PDZRN3: variants seen among roughly 807,000 people sequenced by gnomAD.
The protein encoded by PDZRN3 is E3 ubiquitin-protein ligase PDZRN3.
Under a neutral mutation model 85.7 loss-of-function variants are expected in PDZRN3, and 38 were observed. That is an observed-to-expected ratio of 0.44 (90% CI 0.34 to 0.58). The LOEUF (loss-of-function observed/expected upper bound fraction) is 0.58. Ranked by LOEUF, PDZRN3 falls within the 20% of genes least tolerant of loss-of-function variation. The probability of loss-of-function intolerance (pLI) is 0.01; values close to 1 mark genes in which losing one functional copy is unlikely to be tolerated. For missense variants in PDZRN3, 1,629 were observed against 1,506.4 expected, an observed-to-expected ratio of 1.08 and a Z score of -1.35; for synonymous variants, 759 against 638.0, an observed-to-expected ratio of 1.19 and a Z score of -2.86.
At position 73,417,791 on chromosome 3, in the gene PDZRN3, C is replaced by T. The variant is rs1405823400; in HGVS notation, c.919-13396G>A. 6.6e-5 allele frequency among the ~76,000 whole-genome samples: 10 copies of T among 151,728 alleles called. No homozygotes were observed. In the East Asian group the frequency reaches 1.9e-3, roughly 29 times the overall value. On this transcript the variant is annotated intron_variant, in intron 3 of 9. Coordinates refer to ENST00000263666, the MANE Select transcript of PDZRN3 (RefSeq NM_015009.3). ...TGAGACCCTTCCATGCAACCAGAGA[C>T]AACTTTTATCAGTAGAATGTATAAA...
At chr3:73,473,747 G>T (rs1703394884) in intron 3 of PDZRN3, among the ~76,000 whole-genome samples, 1 of 152,156 alleles carries the variant, frequency 6.6e-6, no homozygotes, top group Non-Finnish European at 1.5e-5. Context: ...ACGTGGTGAG[G>T]AACTGAGGCC....
intron 8 of PDZRN3, among the ~76,000 whole-genome samples, chr3:73,386,078 C>A (rs1701376516): frequency 1.3e-5 from 2 of 151,946 alleles, no homozygotes; most frequent in African/African-American, 4.8e-5. Flanking sequence ...AGTAGGACAC[C>A]TGTGTAGGAG....
At chr3:73,413,172 G>C (rs377587619) in intron 3 of PDZRN3, among the ~76,000 whole-genome samples, 19 of 151,232 alleles carry the variant, frequency 1.3e-4, no homozygotes, top group African/African-American at 3.9e-4. Context: ...CTATAAACAG[G>C]GTTGTGAAGA....
At chr3:73,401,066 C>A in intron 4 of PDZRN3, 57 bp from the exon 5 acceptor site, 1 of 1,302,794 alleles carries the variant, frequency 7.7e-7, no homozygotes, top group Non-Finnish European at 1.1e-6. Context: ...ATCTGTTTTT[C>A]TTACACCCAT....
intron 3 of PDZRN3, among the ~76,000 whole-genome samples, chr3:73,406,586 G>A (rs1018637491): frequency 6.6e-6 from 1 of 152,118 alleles, no homozygotes; most frequent in South Asian, 2.1e-4. Flanking sequence ...TCTGCCCTTG[G>A]TATTCCCTGG....
intron 3 of PDZRN3, among the ~76,000 whole-genome samples, chr3:73,590,031 G>A (rs1413578678): frequency 1.3e-5 from 2 of 152,070 alleles, no homozygotes; most frequent in African/African-American, 4.8e-5. Context: ...CACTTTGGGA[G>A]GCCAAGGCAG....
chr3:73,584,844 T>C (rs1702256238), intron 3 of PDZRN3, among the ~76,000 whole-genome samples: 1 of 152,210 alleles, frequency 6.6e-6, no homozygotes, highest in East Asian at 1.9e-4. Flanking sequence ...CTTATCACTA[T>C]CTTTTTAACT....
intron 2 of PDZRN3, among the ~76,000 whole-genome samples, chr3:73,606,729 A>G (rs762209026): frequency 1.3e-5 from 2 of 152,178 alleles, no homozygotes; most frequent in Non-Finnish European, 2.9e-5. Flanking sequence ...GTTCTTTTTT[A>G]TATGTATGTT....
At chr3:73,385,849 T>A (rs1047784044) in intron 8 of PDZRN3, 64 bp from the exon 9 acceptor site, 14 of 962,394 alleles carry the variant, frequency 1.5e-5, no homozygotes, top group South Asian at 9.4e-5. Flanking sequence ...TATGTTTTTT[T>A]AAAAATGACA....
intron 3 of PDZRN3, among the ~76,000 whole-genome samples, chr3:73,432,592 T>C (rs987065863): frequency 7.9e-5 from 12 of 152,180 alleles, no homozygotes; most frequent in Admixed American, 7.9e-4. Flanking sequence ...ACCCACCTTT[T>C]GCCGCGTCTC....
intron 2 of PDZRN3, 97 bp downstream of exon 2, chr3:73,608,501 A>C: frequency 1.3e-6 from 1 of 781,872 alleles, no homozygotes; most frequent in Non-Finnish European, 2.2e-6. Context: ...GAATGAAGTG[A>C]GCAAAGTTTC....
intron 3 of PDZRN3, among the ~76,000 whole-genome samples, chr3:73,584,866 G>A (rs1553705139): frequency 6.6e-6 from 1 of 152,000 alleles, no homozygotes; most frequent in Non-Finnish European, 1.5e-5. Context: ...TTGTAATTGG[G>A]ATATCACCCA....
At chr3:73,400,126 C>T (rs1309984399) in intron 5 of PDZRN3, among the ~76,000 whole-genome samples, 1 of 152,178 alleles carries the variant, frequency 6.6e-6, no homozygotes, top group Non-Finnish European at 1.5e-5. Flanking sequence ...TACCCAAGGG[C>T]TTACCTGTCA....
At chr3:73,612,137 G>A (rs1473814907) in intron 1 of PDZRN3, among the ~76,000 whole-genome samples, 2 of 152,294 alleles carry the variant, frequency 1.3e-5, no homozygotes, top group Admixed American at 6.5e-5. Context: ...AGAGAGAAAT[G>A]AGCCTAACTT....
chr3:73,500,989 C>T (rs1373965862), intron 3 of PDZRN3, among the ~76,000 whole-genome samples: 2 of 152,146 alleles, frequency 1.3e-5, no homozygotes, highest in Non-Finnish European at 1.5e-5. Flanking sequence ...CTCTAAAATT[C>T]TCAAGGGCAA....
chr3:73,563,830 C>T (rs1396543690), intron 3 of PDZRN3, among the ~76,000 whole-genome samples: 3 of 152,094 alleles, frequency 2.0e-5, no homozygotes. Context: ...CAACTGGGGC[C>T]CAGAGGGGGA....
chr3:73,537,392 A>C (rs1205012886), intron 3 of PDZRN3, among the ~76,000 whole-genome samples: 1 of 152,202 alleles, frequency 6.6e-6, no homozygotes, highest in Admixed American at 6.5e-5. Flanking sequence ...GTTGTTTGTT[A>C]CAGCAGTTAA....
intron 3 of PDZRN3, among the ~76,000 whole-genome samples, chr3:73,581,965 T>C (rs1478036761): frequency 1.3e-5 from 2 of 151,960 alleles, no homozygotes; most frequent in Admixed American, 1.3e-4. Context: ...CTGTGTGTGG[T>C]GGCACGTGCC....
intron 3 of PDZRN3, among the ~76,000 whole-genome samples, chr3:73,465,207 A>T (rs1351525375): frequency 2.0e-5 from 3 of 152,232 alleles, no homozygotes; most frequent in African/African-American, 7.2e-5. Flanking sequence ...TCCGGAGCCC[A>T]GCCTGGTGCC....
Sources: allele counts gnomAD v4.1 joint callset (sites outside exome capture counted in the v4.1 genomes callset), GRCh38; gene constraint gnomAD v4.1.1; transcripts MANE v1.5; gene names NCBI Gene and HGNC (gene_info 2026-07-23, HGNC 2026-07-21).